The following RAD51D variants were observed in gnomAD, a reference collection of about 807,000 sequenced individuals.
The protein encoded by RAD51D is DNA repair protein RAD51 homolog 4.
A neutral mutation model predicts 44.1 loss-of-function variants in RAD51D; 38 were observed. That is an observed-to-expected ratio of 0.86 (90% CI 0.67 to 1.13). RAD51D has a LOEUF of 1.13. Among genes scored for constraint, RAD51D ranks in the 50% most tolerant of loss-of-function variants. The pLI, the probability that RAD51D is intolerant of heterozygous loss-of-function variation, is 0.00. For missense variants in RAD51D, 390 were observed against 414.0 expected, an observed-to-expected ratio of 0.94 and a Z score of 0.50; for synonymous variants, 141 against 166.6, an observed-to-expected ratio of 0.85 and a Z score of 1.18.
chr17:35,105,512 G>A (rs1300102134), intron 6 of RAD51D, among the ~76,000 whole-genome samples: 1 of 152,200 alleles, frequency 6.6e-6, no homozygotes, highest in East Asian at 1.9e-4. Flanking sequence ...ATATATAGTC[G>A]TGGGGATGCC....
At chr17:35,105,938 T>A (rs895610833) in intron 6 of RAD51D, among the ~76,000 whole-genome samples, 1 of 152,206 alleles carries the variant, frequency 6.6e-6, no homozygotes, top group Non-Finnish European at 1.5e-5. Context: ...GAAGACAAGA[T>A]GCTTGGAGCT....
chr17:35,105,912 A>G (rs1001207818), intron 6 of RAD51D, among the ~76,000 whole-genome samples: 1 of 152,120 alleles, frequency 6.6e-6, no homozygotes, highest in Non-Finnish European at 1.5e-5. Flanking sequence ...TGCCTTGAAT[A>G]TGGATGTGGA....
rs1425587481 is a variant in RAD51D at position 35,094,112 on chromosome 17, GT to G, written c.*6840del. The G allele has an allele frequency of 6.6e-6, 1 of 152,366 alleles. No individual in the cohort carries two copies. The highest frequency in any genetic ancestry group is 1.5e-5 in the Non-Finnish European group (1 of 68,194). 9.4% of individuals were successfully genotyped at this position (152,366 alleles called of 1,614,324 possible). On this transcript the variant is annotated 3_prime_UTR_variant, in exon 10 of 10. Transcript: ENST00000345365. ...GGATGCATAGGCCCTGTTTTGTTTT[GT>G]TTTTTTGAGATGGAGTCTTGTTCCG...
In RAD51D at chr17:35,107,138, T is replaced by C. The variant is rs749176675; in HGVS notation, c.346-16A>G. 24 of 1,613,568 alleles carry C rather than the reference T, an allele frequency of 1.5e-5. No homozygotes were observed. Among genetic ancestry groups the C allele is most frequent in the South Asian group, 7.7e-5 (7 of 91,064 alleles). On this transcript the variant is annotated splice_polypyrimidine_tract_variant and intron_variant, in intron 4 of 9. Transcript: ENST00000345365. ...AGAGACATACCTGGGGGTGGGGGCA[T>C]TGGATGAACTTGACACTTCAGAGAG...
At chr17:35,113,282 C>G (rs373995794) in intron 3 of RAD51D, among the ~76,000 whole-genome samples, 48 of 150,938 alleles carry the variant, frequency 3.2e-4, no homozygotes, top group East Asian at 1.2e-3. Flanking sequence ...TTTTTTTTTT[C>G]TTTTTGAGAC....
chr17:35,112,660 G>A (rs2091692083), intron 3 of RAD51D, among the ~76,000 whole-genome samples: 1 of 152,230 alleles, frequency 6.6e-6, no homozygotes, highest in East Asian at 1.9e-4. Context: ...TTACAGGCAT[G>A]AGCCACTGCG....
At chr17:35,107,560 A>G in intron 3 of RAD51D, 113 bp from the exon 4 acceptor site, 1 of 876,476 alleles carries the variant, frequency 1.1e-6, no homozygotes, top group Non-Finnish European at 1.9e-6. Context: ...GTCTTTGAAC[A>G]TCACTGGCCA....
At position 35,094,710 on chromosome 17, in the gene RAD51D, G is replaced by A. The variant is rs1186475011; in HGVS notation, c.*6243C>T. 6.6e-6 allele frequency: 1 copy of A among 152,214 alleles called. No homozygotes were observed. The highest frequency in any genetic ancestry group is 2.4e-5 in the African/African-American group (1 of 41,434). The allele number at this position is 152,214 out of a possible 1,614,324, so 9.4% of individuals were successfully genotyped here. On this transcript the variant is annotated 3_prime_UTR_variant, in exon 10 of 10. Transcript: ENST00000345365. ...AATGGGTTTGGTATCAGGCAGACAT[G>A]TGTCTGGATTCCCGTGCTGCCACTT...
chr17:35,117,374 C>CA (rs1221871022), intron 3 of RAD51D, among the ~76,000 whole-genome samples: 1 of 152,192 alleles, frequency 6.6e-6, no homozygotes, highest in Non-Finnish European at 1.5e-5. Flanking sequence ...TTTATGGTGG[C>CA]AGTTATTCAT....
chr17:35,113,563 CT>C (rs1404711866), intron 3 of RAD51D: 1 of 446,010 alleles, frequency 2.2e-6, no homozygotes, highest in Non-Finnish European at 4.5e-6. Context: ...GCCACCGTGC[CT>C]GGCCCCCAAC....
At position 35,107,059 on chromosome 17, in the gene RAD51D, A is replaced by C. The variant is rs1555568327; in HGVS notation, c.409T>G (p.Ser137Ala). 2 of 1,614,078 alleles carry C rather than the reference A, an allele frequency of 1.2e-6. No individual in the cohort carries two copies. Among genetic ancestry groups the C allele is most frequent in the Non-Finnish European group, 1.7e-6 (2 of 1,180,002 alleles). The change falls in exon 5 of 10, where the codon TCC becomes GCC. Residue 137 changes from serine (S) to alanine (A), a missense_variant. Transcript: ENST00000345365. ...GLQQNVLYVD[S>A]NGGLTASRLL... ...CGGGAAGCTGTCAGCCCTCCATTGG[A>C]ATCTACATATAGGACGTTTTGCTGC... is the stretch of plus-strand genomic sequence containing the variant.
intron 3 of RAD51D, among the ~76,000 whole-genome samples, chr17:35,118,093 C>T (rs1474009032): frequency 6.6e-6 from 1 of 152,168 alleles, no homozygotes; most frequent in Non-Finnish European, 1.5e-5. Context: ...GAGATACTGA[C>T]AGCTTGTGTT....
intron 3 of RAD51D, 59 bp downstream of exon 3, chr17:35,118,442 G>A (rs976833685): frequency 4.1e-5 from 58 of 1,420,002 alleles, no homozygotes; most frequent in Middle Eastern, 1.7e-4. Context: ...CAAAAGCAGA[G>A]CTGAGAGGAG....
chr17:35,117,976 G>A (rs1277137502), intron 3 of RAD51D, among the ~76,000 whole-genome samples: 2 of 152,194 alleles, frequency 1.3e-5, no homozygotes, highest in Non-Finnish European at 2.9e-5. Flanking sequence ...AGATTACCTA[G>A]AACATACAGG....
chr17:35,105,252 G>A (rs1237385988), intron 6 of RAD51D, among the ~76,000 whole-genome samples: 9 of 152,072 alleles, frequency 5.9e-5, no homozygotes, highest in Admixed American at 4.6e-4. Context: ...CAACAAGCTG[G>A]TGGGTCATAA....
chr17:35,107,558 A>C, intron 3 of RAD51D, 111 bp from the exon 4 acceptor site: 1 of 892,670 alleles, frequency 1.1e-6, no homozygotes, highest in Non-Finnish European at 1.8e-6. Context: ...CTGTCTTTGA[A>C]CATCACTGGC....
rs2091494913 is a variant in RAD51D, at chr17:35,097,491, G to GTATATATA, written c.*3461_*3462insTATATATA. Reference sequence around the variant, plus strand: ...TGTGTGTATATATATGTATATATATGTGTGTATATGTGTGTGTGTGTGTGT... The same window carrying GTATATATA: ...TGTGTGTATATATATGTATATATATGTATATATATGTGTATATGTGTGTGTGTGTGTGT... On this transcript the variant is annotated 3_prime_UTR_variant, in exon 10 of 10. Coordinates refer to ENST00000345365, the MANE Select transcript of RAD51D (RefSeq NM_002878.4). The GTATATATA allele has an allele frequency of 1.3e-5, 1 of 79,006 alleles. No homozygotes were observed. Among genetic ancestry groups the GTATATATA allele is most frequent in the Non-Finnish European group, 3.7e-5 (1 of 27,334 alleles). The allele number at this position is 79,006 out of a possible 1,614,324, so 4.9% of individuals were successfully genotyped here. A position where few individuals can be genotyped will look rare whatever the true frequency, so the allele number is the denominator to read the frequency against.
At position 35,093,575 on chromosome 17, in the gene RAD51D, T is replaced by C. The variant is rs1207919685; in HGVS notation, c.*7378A>G. 2 of 152,182 alleles carry C rather than the reference T, an allele frequency of 1.3e-5. No homozygotes were observed. The highest frequency in any genetic ancestry group is 2.9e-5 in the Non-Finnish European group (2 of 68,036). 9.4% of individuals were successfully genotyped at this position (152,182 alleles called of 1,614,324 possible). On this transcript the variant is annotated 3_prime_UTR_variant, in exon 10 of 10. Coordinates refer to ENST00000345365, the MANE Select transcript of RAD51D (RefSeq NM_002878.4). ...CATTCATGGCAAATGTCATGGCCAATACCCAGACTCCTCCAAGACTGAAGG... is the reference window on the plus strand; with the variant it reads ...CATTCATGGCAAATGTCATGGCCAACACCCAGACTCCTCCAAGACTGAAGG...
intron 3 of RAD51D, among the ~76,000 whole-genome samples, chr17:35,112,490 G>A (rs143748183): frequency 2.4e-4 from 36 of 151,868 alleles, no homozygotes; most frequent in East Asian, 3.9e-4. Flanking sequence ...TGATTCTCCC[G>A]TCTCAGCCTC....
Sources: gnomAD v4.1 joint callset for allele counts (sites outside exome capture counted in the v4.1 genomes callset) on GRCh38, gnomAD v4.1.1 for gene constraint, MANE v1.5 for transcripts, NCBI Gene and HGNC (gene_info 2026-07-23, HGNC 2026-07-21) for gene names.